RAB31: variants seen among roughly 807,000 people sequenced by gnomAD.
RAB31 encodes ras-related protein Rab-31.
RAB31 carries 21 observed loss-of-function variants against 25.6 expected under a neutral mutation model. That is an observed-to-expected ratio of 0.82 (90% confidence interval 0.58 to 1.18). RAB31 has a LOEUF of 1.18. Among genes scored for constraint, RAB31 ranks in the 50% most tolerant of loss-of-function variants. The pLI is 0.00. For synonymous variants in RAB31, 87 were observed against 84.0 expected, an observed-to-expected ratio of 1.04 and a Z score of -0.20; for missense variants, 196 against 250.1, an observed-to-expected ratio of 0.78 and a Z score of 1.46.
rs2068825869 is a variant in RAB31 at position 9,857,715 on chromosome 18, GAT to G, written c.491-1511_491-1510del. Among the ~76,000 whole-genome samples the G allele has an allele frequency of 1.2e-4, 18 of 151,260 alleles. No homozygotes were observed. In the East Asian group the frequency reaches 3.5e-3, roughly 29 times the overall value. ...AGATAGATAGATAGATAGATAGATA[GAT>G]AGATAGATAGATATAGATATTCATT... is the stretch of plus-strand genomic sequence containing the variant. On this transcript the variant is annotated intron_variant, in intron 6 of 6. Coordinates refer to ENST00000578921, the MANE Select transcript of RAB31 (RefSeq NM_006868.4).
At position 9,708,590 on chromosome 18, in the gene RAB31, C is replaced by T; in HGVS notation, c.39+146C>T. On this transcript the variant is annotated intron_variant, in intron 1 of 6. Coordinates refer to ENST00000578921, the MANE Select transcript of RAB31 (RefSeq NM_006868.4). This position sits in a 1 kb window ranked among gnomAD's most constrained non-coding sequence, Gnocchi z 6.4. Reference sequence around the variant, plus strand: ...CCCCGTCCCCCTCGTCCGCGCGCCCCCTGGTTCCCCGGGTCCCCCTGGCTC... The same window carrying T: ...CCCCGTCCCCCTCGTCCGCGCGCCCTCTGGTTCCCCGGGTCCCCCTGGCTC... 1.5e-6 allele frequency: 1 copy of T among 673,166 alleles called. No individual in the cohort carries two copies. Among genetic ancestry groups the T allele is most frequent in the Admixed American group, 4.0e-5 (1 of 25,060 alleles). The allele number at this position is 673,166 out of a possible 1,614,324, so 41.7% of individuals were successfully genotyped here.
chr18:9,824,340 GTGTGTGTAGA>G (rs2068638957), intron 5 of RAB31, among the ~76,000 whole-genome samples: 1 of 151,288 alleles, frequency 6.6e-6, no homozygotes, highest in African/African-American at 2.4e-5. Context: ...GTGTATAAAT[GTGTGTGTAGA>G]TGTGTGTATA....
intron 5 of RAB31, among the ~76,000 whole-genome samples, chr18:9,834,706 A>G (rs993983151): frequency 7.2e-5 from 11 of 152,178 alleles, no homozygotes; most frequent in African/African-American, 2.7e-4. Flanking sequence ...GCCCTATTCT[A>G]ACCTTCTTTG....
intron 5 of RAB31, among the ~76,000 whole-genome samples, chr18:9,834,925 A>G (rs765462573): frequency 6.6e-6 from 1 of 152,202 alleles, no homozygotes; most frequent in African/African-American, 2.4e-5. Context: ...CAAATGGCAC[A>G]ATTTTTACTT....
chr18:9,729,166 G>C (rs140405723), intron 1 of RAB31, among the ~76,000 whole-genome samples: 20 of 152,206 alleles, frequency 1.3e-4, no homozygotes, highest in African/African-American at 4.8e-4. Flanking sequence ...TCTTCATTTA[G>C]TTAACTATAT....
At chr18:9,855,141 G>A (rs1473152207) in intron 6 of RAB31, among the ~76,000 whole-genome samples, 1 of 152,118 alleles carries the variant, frequency 6.6e-6, no homozygotes, top group Non-Finnish European at 1.5e-5. Context: ...TTCCGAGCCA[G>A]GATAAAACTT....
At chr18:9,835,794 C>G (rs980637775) in intron 5 of RAB31, among the ~76,000 whole-genome samples, 7 of 152,054 alleles carry the variant, frequency 4.6e-5, no homozygotes, top group Admixed American at 4.6e-4. Context: ...TCTGTAAGAA[C>G]TAGCATTTTA....
intron 5 of RAB31, among the ~76,000 whole-genome samples, chr18:9,828,985 C>T (rs527832039): frequency 1.1e-4 from 17 of 152,266 alleles, no homozygotes; most frequent in African/African-American, 3.9e-4. Context: ...CTCCCATTTA[C>T]CTGCTGCTGT....
At chr18:9,747,554 G>GTACA (rs2068211936) in intron 1 of RAB31, among the ~76,000 whole-genome samples, 1 of 152,156 alleles carries the variant, frequency 6.6e-6, no homozygotes, top group Non-Finnish European at 1.5e-5. Context: ...CCGACACATG[G>GTACA]TACAATGTGG....
In RAB31 at chr18:9,807,426, C is replaced by T. The variant is rs1024406013; in HGVS notation, c.202-6594C>T. On this transcript the variant is annotated intron_variant, in intron 3 of 6. Transcript: ENST00000578921. ...TCGTCATGGCCATCCTGGCTTTCCC[C>T]GCAAATGCATATCACGGTGGCTGTG... 3.3e-5 allele frequency among the ~76,000 whole-genome samples: 5 copies of T among 151,766 alleles called. No homozygotes were observed. In the East Asian group the frequency reaches 5.9e-4, roughly 18 times the overall value.
intron 1 of RAB31, among the ~76,000 whole-genome samples, chr18:9,720,125 G>A (rs1164536004): frequency 2.6e-5 from 4 of 152,196 alleles, no homozygotes; most frequent in Admixed American, 6.5e-5. Flanking sequence ...CACCATGCCC[G>A]GCTAATTTTT....
chr18:9,755,286 C>A (rs2068255296), intron 1 of RAB31, among the ~76,000 whole-genome samples: 1 of 152,156 alleles, frequency 6.6e-6, no homozygotes, highest in Non-Finnish European at 1.5e-5. Flanking sequence ...CTGTGACTGC[C>A]TTCTCTTGAC....
At chr18:9,851,036 C>T (rs373828853) in intron 6 of RAB31, among the ~76,000 whole-genome samples, 9 of 152,074 alleles carry the variant, frequency 5.9e-5, no homozygotes, top group African/African-American at 1.7e-4. Context: ...GTGCTCTAGG[C>T]ACCTTTAGTT....
intron 2 of RAB31, among the ~76,000 whole-genome samples, chr18:9,791,773 T>C (rs1297787035): frequency 6.6e-6 from 1 of 151,950 alleles, no homozygotes; most frequent in Non-Finnish European, 1.5e-5. Context: ...CCTGGCTAAT[T>C]TTTTGTATTT....
chr18:9,839,858 A>G (rs145777538), intron 5 of RAB31, among the ~76,000 whole-genome samples: 1 of 152,294 alleles, frequency 6.6e-6, no homozygotes, highest in East Asian at 1.9e-4. Context: ...CAGTGCTTTC[A>G]TTCCCATCAC....
intron 5 of RAB31, among the ~76,000 whole-genome samples, chr18:9,835,310 C>G (rs1313463000): frequency 1.3e-5 from 2 of 152,082 alleles, no homozygotes; most frequent in African/African-American, 4.8e-5. Context: ...ATGATCCGCT[C>G]AGAGGATTTG....
intron 1 of RAB31, among the ~76,000 whole-genome samples, chr18:9,769,862 A>G (rs567565962): frequency 1.3e-5 from 2 of 152,288 alleles, no homozygotes; most frequent in South Asian, 2.1e-4. Context: ...CATTCCATCA[A>G]TACCTAGTTT....
intron 1 of RAB31, among the ~76,000 whole-genome samples, chr18:9,715,781 C>T (rs1397107354): frequency 6.6e-6 from 1 of 152,172 alleles, no homozygotes; most frequent in South Asian, 2.1e-4. Flanking sequence ...ATCTGCCTGC[C>T]TTGACCTCCC....
At chr18:9,820,353 A>T (rs528698501) in intron 5 of RAB31, among the ~76,000 whole-genome samples, 2 of 152,162 alleles carry the variant, frequency 1.3e-5, no homozygotes, top group African/African-American at 4.8e-5. Flanking sequence ...GATAAATCAC[A>T]CTTGGTCATG....
Sources: allele counts gnomAD v4.1 joint callset (sites outside exome capture counted in the v4.1 genomes callset), GRCh38; gene constraint gnomAD v4.1.1; non-coding constraint Gnocchi (gnomAD v3.1); transcripts MANE v1.5; gene names NCBI Gene and HGNC (gene_info 2026-07-23, HGNC 2026-07-21).